Variants in ERICH1 observed in about 807,000 individuals in gnomAD.
ERICH1 encodes the protein glutamate-rich protein 1.
In ERICH1, 56 loss-of-function variants were observed where a neutral mutation model predicts 39.6. That is an observed-to-expected ratio of 1.41 (90% CI 1.14 to 1.77). The LOEUF (loss-of-function observed/expected upper bound fraction) is 1.77. ERICH1 is among the 40% of genes most tolerant of loss of function. The pLI is 0.00. For synonymous variants in ERICH1, 313 were observed against 223.6 expected (o/e 1.40, Z -3.57); for missense variants, 826 against 575.4 (o/e 1.44, Z -4.45).
At chr8:665,034 T>C (rs535758136) in intron 5 of ERICH1, among the ~76,000 whole-genome samples, 3 of 151,866 alleles carry the variant, frequency 2.0e-5, no homozygotes, top group African/African-American at 7.3e-5. Context: ...GAAAATGAAA[T>C]AGAAGTTTAT....
rs577950185 is a variant in ERICH1 at position 713,934 on chromosome 8, G to A, written c.169+1927C>T. Among the ~76,000 whole-genome samples, 37 of 152,190 alleles carry A rather than the reference G, an allele frequency of 2.4e-4. 1 individual carries two copies. The highest frequency in any genetic ancestry group is 1.9e-3 in the Admixed American group (29 of 15,298). ...GTTTACTGGGGAACCGAATGGACCC[G>A]CCCACATGTGCTGCACCCAGGCGGC... On this transcript the variant is annotated intron_variant, in intron 2 of 5. Transcript: ENST00000262109.
At chr8:696,321 C>T (rs111215879) in intron 2 of ERICH1, among the ~76,000 whole-genome samples, 435 of 27,820 alleles carry the variant, frequency 0.016, no homozygotes, top group East Asian at 0.047. Flanking sequence ...CATCAGCCTG[C>T]GCTCGCTCCT....
intron 3 of ERICH1, among the ~76,000 whole-genome samples, chr8:622,258 G>A (rs541486082): frequency 6.6e-6 from 1 of 152,012 alleles, no homozygotes; most frequent in Non-Finnish European, 1.5e-5. Flanking sequence ...TCCTTGCTAT[G>A]GTCTGAATGT....
At chr8:663,379 CA>C (rs1484012094), downstream of ERICH1, among the ~76,000 whole-genome samples, 3 of 152,202 alleles carry the variant, frequency 2.0e-5, no homozygotes, top group African/African-American at 7.2e-5. Context: ...TGGCCCTGAT[CA>C]GCACTGGGGG....
chr8:663,296 T>A (rs1018261761), downstream of ERICH1, among the ~76,000 whole-genome samples: 1 of 151,962 alleles, frequency 6.6e-6, no homozygotes, highest in African/African-American at 2.4e-5. Flanking sequence ...GCAGGGGTGG[T>A]CTGGGCTGAT....
chr8:630,761 C>T (rs1219415632), intron 3 of ERICH1, among the ~76,000 whole-genome samples: 7 of 131,058 alleles, frequency 5.3e-5, no homozygotes, highest in African/African-American at 8.9e-5. Context: ...CACACCCTCC[C>T]GTGAGCACCC....
At chr8:725,350 G>A (rs73178877) in intron 1 of ERICH1, 26,187 of 153,650 alleles carry the variant, frequency 0.17, 2,397 homozygotes, top group Middle Eastern at 0.26. Context: ...GCATGTGATC[G>A]GTCACCTGGC....
intron 3 of ERICH1, among the ~76,000 whole-genome samples, chr8:630,614 CCACA>C (rs1460046723): frequency 8.1e-6 from 1 of 124,136 alleles, no homozygotes; most frequent in South Asian, 3.0e-4. Flanking sequence ...CCGTGAGCAC[CCACA>C]CAGACAGAGC....
chr8:628,918 C>T (rs1797752685), intron 3 of ERICH1, among the ~76,000 whole-genome samples: 2 of 152,168 alleles, frequency 1.3e-5, no homozygotes, highest in Admixed American at 1.3e-4. Flanking sequence ...GGTCCCAGGA[C>T]CACCCCAGCT....
Position 668,471 on chromosome 8 carries a change from C to G in ERICH1, c.1258+127G>C, listed in dbSNP as rs145552632. ...CTGTTTCTCTCTGGGACTCTATTCT[C>G]CCATGCCATATGTGCAGTGTCATAT... On this transcript the variant is annotated intron_variant, in intron 5 of 5. Transcript: ENST00000262109. 196 of 874,300 alleles carry G rather than the reference C, an allele frequency of 2.2e-4. No individual in the cohort carries two copies. The African/African-American group carries it at 2.7e-3, about 12-fold the overall frequency. 54.2% of individuals were successfully genotyped at this position (874,300 alleles called of 1,614,324 possible).
intron 5 of ERICH1, chr8:667,885 T>C (rs876356): frequency 0.099 from 15,222 of 153,104 alleles, 830 homozygotes; most frequent in Non-Finnish European, 0.13. Flanking sequence ...TCACTCCTTC[T>C]CTGGGACGGG....
chr8:674,097 C>T (rs2131870568), intron 3 of ERICH1, 50 bp from the exon 4 acceptor site: 1 of 1,491,378 alleles, frequency 6.7e-7, no homozygotes, highest in Non-Finnish European at 8.8e-7. Context: ...GAAACCATAA[C>T]AAACATATTA....
chr8:642,506 G>C (rs976800839), intron 3 of ERICH1, among the ~76,000 whole-genome samples: 1 of 151,822 alleles, frequency 6.6e-6, no homozygotes, highest in Non-Finnish European at 1.5e-5. Flanking sequence ...CACCACGCCC[G>C]GCTAATTTTT....
At chr8:671,095 G>C (rs1314680866) in intron 4 of ERICH1, among the ~76,000 whole-genome samples, 1 of 150,394 alleles carries the variant, frequency 6.6e-6, no homozygotes, top group Non-Finnish European at 1.5e-5. Flanking sequence ...CGGCTCTAAT[G>C]TCTGTGCTCA....
intron 3 of ERICH1, among the ~76,000 whole-genome samples, chr8:638,847 C>A (rs1798672057): frequency 6.6e-6 from 1 of 152,136 alleles, no homozygotes; most frequent in Non-Finnish European, 1.5e-5. Context: ...ACGGCAGTCA[C>A]CCGCTGCCCT....
At chr8:692,412 C>A (rs1030076008) in intron 3 of ERICH1, 66 bp downstream of exon 3, 1 of 1,609,342 alleles carries the variant, frequency 6.2e-7, no homozygotes, top group Admixed American at 1.7e-5. Context: ...ATTACAATAC[C>A]AGAAAATTGG....
At chr8:665,788 G>A (rs971300397) in intron 5 of ERICH1, among the ~76,000 whole-genome samples, 9 of 152,220 alleles carry the variant, frequency 5.9e-5, no homozygotes, top group Admixed American at 4.6e-4. Context: ...TAACTGCTGA[G>A]CCAGAGGAGA....
chr8:707,353 AC>A (rs1563316480), intron 2 of ERICH1, among the ~76,000 whole-genome samples: 1 of 151,728 alleles, frequency 6.6e-6, no homozygotes, highest in East Asian at 1.9e-4. Context: ...GACTACAGGT[AC>A]CTGCCACCAT....
At chr8:634,168 C>CAAAAAAAAAAAAAAAAA (rs56687918) in intron 3 of ERICH1, among the ~76,000 whole-genome samples, 3 of 92,002 alleles carry the variant, frequency 3.3e-5, no homozygotes, top group Non-Finnish European at 4.6e-5. Flanking sequence ...TCCTAAAACT[C>CAAAAAAAAAAAAAAAAA]AAAAAAAAAA....
Sources: allele counts gnomAD v4.1 joint callset (sites outside exome capture counted in the v4.1 genomes callset), GRCh38; gene constraint gnomAD v4.1.1; transcripts MANE v1.5; gene names NCBI Gene and HGNC (gene_info 2026-07-23, HGNC 2026-07-21).